The following CLTCL1 variants were observed in gnomAD, a reference collection of about 807,000 sequenced individuals.
The protein encoded by CLTCL1 is clathrin heavy chain 2.
A neutral mutation model predicts 190.0 loss-of-function variants in CLTCL1; 159 were observed. That is an observed-to-expected ratio of 0.84 (90% CI 0.74 to 0.95). The LOEUF is 0.95. Ranked by LOEUF, CLTCL1 falls within the 40% of genes least tolerant of loss-of-function variation. The probability of loss-of-function intolerance (pLI) is 0.00; values close to 1 mark genes in which losing one functional copy is unlikely to be tolerated. For missense variants in CLTCL1, 1,878 were observed against 2,033.4 expected (o/e 0.92, Z 1.47); for synonymous variants, 752 against 769.6 (o/e 0.98, Z 0.38).
chr22:19,289,570 G>A (rs2088033449), intron 1 of CLTCL1, among the ~76,000 whole-genome samples: 1 of 152,098 alleles, frequency 6.6e-6, no homozygotes, highest in African/African-American at 2.4e-5. Flanking sequence ...CAAGAGCTTC[G>A]TGGGGACAAG....
chr22:19,198,026 C>T lies in CLTCL1; in HGVS notation c.3874-1370G>A, dbSNP rs1555936830. Among the ~76,000 whole-genome samples the T allele has an allele frequency of 6.6e-6, 1 of 152,222 alleles. No homozygotes were observed. Among genetic ancestry groups the T allele is most frequent in the African/African-American group, 2.4e-5 (1 of 41,456 alleles). On this transcript the variant is annotated intron_variant, in intron 24 of 32. Coordinates refer to ENST00000427926, the MANE Select transcript of CLTCL1 (RefSeq NM_007098.4). This position sits in a 1 kb window ranked among gnomAD's most constrained non-coding sequence, Gnocchi z 4.1. ...TGCCTACATGATGCCCCCACCTGAACATCCAGCGGGCAGCTCAAGACTTAG... is the reference window on the plus strand; with the variant it reads ...TGCCTACATGATGCCCCCACCTGAATATCCAGCGGGCAGCTCAAGACTTAG...
At chr22:19,220,861 A>G (rs1318674371) in intron 17 of CLTCL1, among the ~76,000 whole-genome samples, 10 of 152,194 alleles carry the variant, frequency 6.6e-5, no homozygotes, top group African/African-American at 2.4e-4. Flanking sequence ...GGGCAGATGC[A>G]GGCAAAAGAC....
intron 2 of CLTCL1, among the ~76,000 whole-genome samples, chr22:19,269,509 T>C (rs2146242142): frequency 6.6e-6 from 1 of 152,310 alleles, no homozygotes; most frequent in South Asian, 2.1e-4. Context: ...TGCAGCACTA[T>C]TTACAATAGC....
intron 22 of CLTCL1, among the ~76,000 whole-genome samples, chr22:19,203,457 A>G (rs1307113527): frequency 1.3e-5 from 2 of 151,910 alleles, no homozygotes; most frequent in Non-Finnish European, 2.9e-5. Flanking sequence ...CTGTCTTCCT[A>G]TTCTCTCTGC....
chr22:19,221,643 A>C, intron 16 of CLTCL1, 32 bp from the exon 17 acceptor site: 5 of 1,532,454 alleles, frequency 3.3e-6, no homozygotes, highest in South Asian at 1.2e-5. Context: ...GTAAAGTCTC[A>C]AGGCTACCAC....
At chr22:19,196,677 C>G in intron 24 of CLTCL1, 21 bp from the exon 25 acceptor site, 5 of 1,603,920 alleles carry the variant, frequency 3.1e-6, no homozygotes, top group Non-Finnish European at 3.4e-6. Flanking sequence ...AACAGCCACG[C>G]GTGGGGCAGA....
At chr22:19,252,341 C>T (rs2086618426) in intron 3 of CLTCL1, among the ~76,000 whole-genome samples, 1 of 152,200 alleles carries the variant, frequency 6.6e-6, no homozygotes, top group South Asian at 2.1e-4. Context: ...AGTCTTGCCC[C>T]TCTAGCTACC....
At chr22:19,214,792 C>T (rs782795364) in intron 19 of CLTCL1, among the ~76,000 whole-genome samples, 6 of 151,894 alleles carry the variant, frequency 4.0e-5, no homozygotes, top group East Asian at 3.9e-4. Flanking sequence ...GCGATTCTCC[C>T]GCCTCAGCCT....
At chr22:19,267,913 A>C (rs2087173487) in intron 2 of CLTCL1, among the ~76,000 whole-genome samples, 2 of 152,152 alleles carry the variant, frequency 1.3e-5, no homozygotes, top group South Asian at 4.1e-4. Context: ...AAAAAAATTA[A>C]AACTACAAAA....
intron 16 of CLTCL1, 77 bp from the exon 17 acceptor site, chr22:19,221,688 G>T: frequency 7.8e-7 from 1 of 1,278,316 alleles, no homozygotes; most frequent in Non-Finnish European, 1.1e-6. Flanking sequence ...GGCTCTGACA[G>T]ATGTTTCCTG....
At chr22:19,188,661 G>C (rs1955541394) in intron 27 of CLTCL1, among the ~76,000 whole-genome samples, 1 of 150,928 alleles carries the variant, frequency 6.6e-6, no homozygotes, top group Non-Finnish European at 1.5e-5. Context: ...GCCCACACTG[G>C]AGTGCAGTGC....
chr22:19,197,627 A>G (rs1304786911), intron 24 of CLTCL1, among the ~76,000 whole-genome samples: 1 of 151,932 alleles, frequency 6.6e-6, no homozygotes, highest in Non-Finnish European at 1.5e-5. Flanking sequence ...CACAACAACC[A>G]TTCCCATTCC....
intron 11 of CLTCL1, among the ~76,000 whole-genome samples, chr22:19,227,541 G>A (rs1055354140): frequency 3.4e-5 from 5 of 148,382 alleles, no homozygotes; most frequent in Admixed American, 1.4e-4. Context: ...TGCAACCTCC[G>A]TCTCACGGGT....
chr22:19,224,308 T>G (rs1164307581), intron 13 of CLTCL1, among the ~76,000 whole-genome samples: 1 of 152,234 alleles, frequency 6.6e-6, no homozygotes, highest in Non-Finnish European at 1.5e-5. Flanking sequence ...GTGAAATTCC[T>G]TTTGTGGGCC....
rs574249504 is a variant in CLTCL1 at position 19,239,084 on chromosome 22, C to T, written c.795+191G>A. ...CTGCTGCCCTAACTCACCCTCATGC[C>T]GGGCATTCCTTTCTACGAACAGGGC... On this transcript the variant is annotated intron_variant, in intron 5 of 32. Transcript: ENST00000427926. Among the ~76,000 whole-genome samples the T allele has an allele frequency of 1.5e-4, 23 of 152,116 alleles. 1 individual carries two copies. Among genetic ancestry groups the T allele is most frequent in the Admixed American group, 9.8e-4 (15 of 15,262 alleles).
Position 19,242,891 on chromosome 22 carries a change from T to C in CLTCL1, c.565A>G (p.Lys189Glu). The stretch of plus-strand genomic sequence containing the variant: ...TGGCCTTCTATGGGTTGTGAAACCT[T>C]CCTATCCACAGAGTAGAGCTGCATT... ...GAMQLYSVDRKVSQPIEGHAA... is the reference protein window; with the variant it reads ...GAMQLYSVDREVSQPIEGHAA... Residue 189 changes from lysine (K) to glutamate (E), a missense_variant, in exon 4 of 33, where the codon AAG becomes GAG. By Grantham distance (56) the Lys-to-Glu change is moderately conservative (BLOSUM62 1). Coordinates refer to ENST00000427926, the MANE Select transcript of CLTCL1 (RefSeq NM_007098.4). The C allele has an allele frequency of 1.2e-6, 2 of 1,613,946 alleles. No individual in the cohort carries two copies. The highest frequency in any genetic ancestry group is 1.7e-6 in the Non-Finnish European group (2 of 1,179,878).
Position 19,226,387 on chromosome 22 carries a change from T to C in CLTCL1, c.1783-4A>G, listed in dbSNP as rs782697516. 1.1e-5 allele frequency: 17 copies of C among 1,613,836 alleles called. No individual in the cohort carries two copies. The African/African-American group carries it at 1.3e-4, about 13-fold the overall frequency. On this transcript the variant is annotated splice_region_variant and splice_polypyrimidine_tract_variant and intron_variant, in intron 11 of 32. Transcript: ENST00000427926. Reference sequence around the variant, plus strand: ...TTCCAAGGATGGCATCTGCAACCTATGAAACAGGGAGTTCGGTGAGAAGCC... The same window carrying C: ...TTCCAAGGATGGCATCTGCAACCTACGAAACAGGGAGTTCGGTGAGAAGCC...
chr22:19,179,907 C>T lies in CLTCL1; in HGVS notation c.*83G>A, dbSNP rs996093519. 4.8e-5 allele frequency: 22 copies of T among 457,502 alleles called. No individual in the cohort carries two copies. Among genetic ancestry groups the T allele is most frequent in the South Asian group, 8.4e-5 (3 of 35,616 alleles). The allele number at this position is 457,502 out of a possible 1,614,324, so 28.3% of individuals were successfully genotyped here. A position where few individuals can be genotyped will look rare whatever the true frequency, so the allele number is the denominator to read the frequency against. ...GCGGAAGTTGTACATTGGAGGCTGG[C>T]GAAGTTGGGAGCAGAGGCATATCCA... On this transcript the variant is annotated 3_prime_UTR_variant, in exon 33 of 33. Coordinates refer to ENST00000427926, the MANE Select transcript of CLTCL1 (RefSeq NM_007098.4).
At chr22:19,269,785 G>A (rs1555979631) in intron 2 of CLTCL1, among the ~76,000 whole-genome samples, 1 of 152,152 alleles carries the variant, frequency 6.6e-6, no homozygotes, top group Non-Finnish European at 1.5e-5. Context: ...TGTCAGGGGA[G>A]TGGGGGGCGA....
Sources: gnomAD v4.1 joint callset for allele counts (sites outside exome capture counted in the v4.1 genomes callset) on GRCh38, gnomAD v4.1.1 for gene constraint, Gnocchi (gnomAD v3.1) non-coding constraint, MANE v1.5 for transcripts, NCBI Gene and HGNC (gene_info 2026-07-23, HGNC 2026-07-21) for gene names.